The following DLG2 variants were observed in gnomAD, a reference collection of about 807,000 sequenced individuals.
DLG2 encodes the protein discs large MAGUK scaffold protein 2, also known as disks large homolog 2.
Under a neutral mutation model 132.5 loss-of-function variants are expected in DLG2, and 45 were observed. The observed-to-expected ratio is 0.34, with a 90% CI of 0.27 to 0.44. DLG2 has a LOEUF of 0.44. DLG2 is among the 20% of genes least tolerant of loss of function. The pLI is 1.00. For synonymous variants in DLG2, 424 were observed against 419.6 expected (o/e 1.01, Z -0.13); for missense variants, 1,045 against 1,196.9 (o/e 0.87, Z 1.87).
chr11:83,877,029 T>TA (rs1010846663), intron 15 of DLG2, among the ~76,000 whole-genome samples: 17 of 152,128 alleles, frequency 1.1e-4, no homozygotes, highest in Non-Finnish European at 1.9e-4. Flanking sequence ...TTTCTTATTT[T>TA]ACAATTTTCT....
chr11:83,734,106 T>G (rs1237272182), intron 18 of DLG2, among the ~76,000 whole-genome samples: 1 of 152,202 alleles, frequency 6.6e-6, no homozygotes, highest in African/African-American at 2.4e-5. Context: ...CATTCTTTTT[T>G]GGCTAATATT....
intron 16 of DLG2, among the ~76,000 whole-genome samples, chr11:83,847,233 G>A (rs1189261469): frequency 6.6e-6 from 1 of 152,132 alleles, no homozygotes; most frequent in Non-Finnish European, 1.5e-5. Context: ...AAGCTCTCAT[G>A]ACTGGTGAAA....
At chr11:84,972,241 T>C (rs946673422) in intron 6 of DLG2, among the ~76,000 whole-genome samples, 1 of 152,174 alleles carries the variant, frequency 6.6e-6, no homozygotes, top group African/African-American at 2.4e-5. Context: ...TGAGGCCTCA[T>C]GGTCATTGGG....
rs1271572711 is a variant in DLG2, at chr11:84,852,867, AAAAAT to A, written c.357+258789_357+258793del. Reference sequence around the variant, plus strand: ...CACTAGAGAAAATGTCTTTCCAGAAAAAAATAAAATAAAAAAGTTGCCATAGTAAC... The same window carrying A: ...CACTAGAGAAAATGTCTTTCCAGAAAAAAATAAAAAAGTTGCCATAGTAAC... On this transcript the variant is annotated intron_variant, in intron 6 of 27. Coordinates refer to ENST00000376104, the MANE Select transcript of DLG2 (RefSeq NM_001142699.3). 7.9e-5 allele frequency among the ~76,000 whole-genome samples: 12 copies of A among 152,138 alleles called. No homozygotes were observed. In the East Asian group the frequency reaches 1.4e-3, roughly 17 times the overall value.
At chr11:83,836,598 A>G (rs935780901) in intron 16 of DLG2, among the ~76,000 whole-genome samples, 1 of 152,180 alleles carries the variant, frequency 6.6e-6, no homozygotes, top group Non-Finnish European at 1.5e-5. Flanking sequence ...TTCCTATCTT[A>G]ACTGATTAGT....
At chr11:84,062,361 C>G (rs1383379882) in intron 10 of DLG2, among the ~76,000 whole-genome samples, 1 of 152,188 alleles carries the variant, frequency 6.6e-6, no homozygotes, top group East Asian at 1.9e-4. Context: ...AGAGCAGTAA[C>G]TGTACTGTAT....
chr11:84,252,339 C>T (rs1036037375), intron 7 of DLG2, among the ~76,000 whole-genome samples: 7 of 151,386 alleles, frequency 4.6e-5, no homozygotes, highest in African/African-American at 7.3e-5. Flanking sequence ...TTAGTACAGA[C>T]GGGGTTTCAC....
At chr11:85,558,423 A>C (rs1192210067) in intron 3 of DLG2, among the ~76,000 whole-genome samples, 5 of 152,026 alleles carry the variant, frequency 3.3e-5, no homozygotes, top group Non-Finnish European at 7.4e-5. Flanking sequence ...CATTTGACCC[A>C]GCAATCCCAC....
chr11:84,425,988 G>C (rs2098965241), intron 7 of DLG2, among the ~76,000 whole-genome samples: 1 of 151,982 alleles, frequency 6.6e-6, no homozygotes, highest in African/African-American at 2.4e-5. Flanking sequence ...AATGGAAGCA[G>C]GGCACTGAAG....
At chr11:84,829,485 T>C (rs563362499) in intron 6 of DLG2, among the ~76,000 whole-genome samples, 1 of 151,726 alleles carries the variant, frequency 6.6e-6, no homozygotes, top group African/African-American at 2.4e-5. Flanking sequence ...AAAATGATCA[T>C]GAATTATAAA....
chr11:84,929,351 T>A (rs1321634284), intron 6 of DLG2, among the ~76,000 whole-genome samples: 1 of 151,986 alleles, frequency 6.6e-6, no homozygotes, highest in East Asian at 1.9e-4. Flanking sequence ...ACAACCATGA[T>A]AATATAACCT....
At chr11:84,878,110 T>A (rs1460566759) in intron 6 of DLG2, among the ~76,000 whole-genome samples, 1 of 152,126 alleles carries the variant, frequency 6.6e-6, no homozygotes. Flanking sequence ...TTACACTGTT[T>A]GCGGGAGTGC....
chr11:84,237,232 A>G (rs2097170402), intron 8 of DLG2, among the ~76,000 whole-genome samples: 1 of 151,972 alleles, frequency 6.6e-6, no homozygotes, highest in Admixed American at 6.6e-5. Context: ...CCAGCCCAGC[A>G]TCAGTATTTT....
intron 5 of DLG2, among the ~76,000 whole-genome samples, chr11:85,129,555 GAA>G (rs1194989917): frequency 6.6e-6 from 1 of 152,044 alleles, no homozygotes; most frequent in Non-Finnish European, 1.5e-5. Context: ...AGCAATCATT[GAA>G]AAGTCAGGAA....
At chr11:84,773,835 T>G (rs2069870921) in intron 6 of DLG2, among the ~76,000 whole-genome samples, 1 of 152,174 alleles carries the variant, frequency 6.6e-6, no homozygotes, top group Non-Finnish European at 1.5e-5. Context: ...AACATCATAC[T>G]AAGTGGGCAT....
At chr11:84,481,989 C>T (rs542661340) in intron 7 of DLG2, among the ~76,000 whole-genome samples, 4 of 152,268 alleles carry the variant, frequency 2.6e-5, no homozygotes, top group East Asian at 1.9e-4. Flanking sequence ...TTTACTTCAG[C>T]AAACTTTTCT....
chr11:85,466,570 C>T (rs1167494008), intron 3 of DLG2, among the ~76,000 whole-genome samples: 1 of 152,132 alleles, frequency 6.6e-6, no homozygotes, highest in Non-Finnish European at 1.5e-5. Flanking sequence ...ATAAGGAATC[C>T]TTTCCCTACT....
At chr11:84,744,526 C>G (rs2065104401) in intron 6 of DLG2, among the ~76,000 whole-genome samples, 3 of 152,156 alleles carry the variant, frequency 2.0e-5, no homozygotes, top group Non-Finnish European at 4.4e-5. Context: ...AGGGAATTTA[C>G]CGTTCTGTGT....
chr11:84,511,055 A>C (rs1277593753), intron 7 of DLG2, among the ~76,000 whole-genome samples: 2 of 152,154 alleles, frequency 1.3e-5, no homozygotes, highest in African/African-American at 4.8e-5. Flanking sequence ...GAAGGAGAAA[A>C]TATATCTGTT....
Sources: gnomAD v4.1 joint callset for allele counts (sites outside exome capture counted in the v4.1 genomes callset) on GRCh38, gnomAD v4.1.1 for gene constraint, MANE v1.5 for transcripts, NCBI Gene and HGNC (gene_info 2026-07-23, HGNC 2026-07-21) for gene names.